RCN3: variants seen among roughly 807,000 people sequenced by gnomAD.
RCN3 encodes the protein reticulocalbin-3.
In RCN3, 41 loss-of-function variants were observed where a neutral mutation model predicts 35.9. The observed-to-expected ratio is 1.14, with a 90% CI of 0.89 to 1.48. The LOEUF (loss-of-function observed/expected upper bound fraction) is 1.48. RCN3 is among the 40% of genes most tolerant of loss of function. The pLI is 0.00. For synonymous variants in RCN3, 187 were observed against 193.4 expected, an observed-to-expected ratio of 0.97 and a Z score of 0.27; for missense variants, 451 against 471.3, an observed-to-expected ratio of 0.96 and a Z score of 0.40.
intron 2 of RCN3, among the ~76,000 whole-genome samples, chr19:49,532,876 A>T (rs966459862): frequency 2.0e-5 from 3 of 151,828 alleles, no homozygotes; most frequent in African/African-American, 4.8e-5. Flanking sequence ...AGGTTTCACC[A>T]TGTGGACCAG....
In RCN3 at chr19:49,528,672, A is replaced by G. The variant is rs753132474; in HGVS notation, c.200A>G (p.Glu67Gly). 6.2e-7 allele frequency: 1 copy of G among 1,610,010 alleles called. No homozygotes were observed. Among genetic ancestry groups the G allele is most frequent in the East Asian group, 2.2e-5 (1 of 44,508 alleles). Residue 67 changes from glutamate (E) to glycine (G), a missense_variant, in exon 2 of 7, where the codon GAA becomes GGA. Coordinates refer to ENST00000270645, the MANE Select transcript of RCN3 (RefSeq NM_020650.3). ...EAFLGREVAK[E>G]FDQLTPEESQ... Reference sequence around the variant, plus strand: ...TTCCTGGGACGGGAAGTGGCCAAGGAATTCGACCAACTCACCCCAGAGGAA... The same window carrying G: ...TTCCTGGGACGGGAAGTGGCCAAGGGATTCGACCAACTCACCCCAGAGGAA...
intron 2 of RCN3, among the ~76,000 whole-genome samples, chr19:49,533,040 C>T (rs947236100): frequency 1.3e-5 from 2 of 152,172 alleles, no homozygotes; most frequent in African/African-American, 4.8e-5. Context: ...GGGGTAGGTA[C>T]CGTTTTTTCT....
At chr19:49,530,673 T>A (rs1168649803) in intron 2 of RCN3, among the ~76,000 whole-genome samples, 3 of 151,834 alleles carry the variant, frequency 2.0e-5, no homozygotes, top group African/African-American at 7.3e-5. Flanking sequence ...ATTTTGTATT[T>A]TTAGTAGAGA....
At chr19:49,531,028 G>A (rs1053922005) in intron 2 of RCN3, among the ~76,000 whole-genome samples, 14 of 152,174 alleles carry the variant, frequency 9.2e-5, no homozygotes, top group Non-Finnish European at 1.3e-4. Context: ...CAGAGAAGGA[G>A]CAAAGGGGTT....
chr19:49,533,479 G>T (rs990873872), intron 2 of RCN3, among the ~76,000 whole-genome samples: 1 of 152,156 alleles, frequency 6.6e-6, no homozygotes, highest in Non-Finnish European at 1.5e-5. Flanking sequence ...CCCAAGAGAA[G>T]GGGAGAGATG....
In RCN3 at chr19:49,534,321, CG is replaced by C. The variant is rs1243319886; in HGVS notation, c.372del (p.Tyr125ThrfsTer64). The C allele has an allele frequency of 6.6e-7, 1 of 1,510,082 alleles. No homozygotes were observed. Among genetic ancestry groups the C allele is most frequent in the Non-Finnish European group, 8.8e-7 (1 of 1,131,386 alleles). The allele number at this position is 1,510,082 out of a possible 1,614,324, so 93.5% of individuals were successfully genotyped here. On this transcript the variant is annotated frameshift_variant, in exon 3 of 7. Transcript: ENST00000270645. LOFTEE classifies it high-confidence loss of function. Reference sequence around the variant, plus strand: ...GACTCGGTGAGCGCGGCCTGGGACACGTACGACACGGACCGCGACGGGCGTG... The same window carrying C: ...GACTCGGTGAGCGCGGCCTGGGACACTACGACACGGACCGCGACGGGCGTG... ...IRDSVSAAWDTYDTDRDGRVG... is the reference protein window; with the variant it reads ...IRDSVSAAWDXYDTDRDGRVG...
chr19:49,529,437 G>C (rs996822215), intron 2 of RCN3, among the ~76,000 whole-genome samples: 1 of 152,148 alleles, frequency 6.6e-6, no homozygotes, highest in African/African-American at 2.4e-5. Context: ...CACCCTCTCC[G>C]TCCAGGCCTG....
chr19:49,533,867 G>A (rs1388032533), intron 2 of RCN3, among the ~76,000 whole-genome samples: 1 of 152,206 alleles, frequency 6.6e-6, no homozygotes, highest in Non-Finnish European at 1.5e-5. Context: ...CCAGCGAGAG[G>A]TGCAGCACGT....
chr19:49,541,076 G>A lies in RCN3; in HGVS notation c.680-1477G>A, dbSNP rs182651765. On this transcript the variant is annotated intron_variant, in intron 5 of 6. Coordinates refer to ENST00000270645, the MANE Select transcript of RCN3 (RefSeq NM_020650.3). ...CTCCTGAGTAGGTGGGATTATGGGC[G>A]TGCACTACCACGCCTGGCTAATTTT... 2.0e-5 allele frequency among the ~76,000 whole-genome samples: 3 copies of A among 152,046 alleles called. 1 individual carries two copies. Among genetic ancestry groups the A allele is most frequent in the South Asian group, 4.2e-4 (2 of 4,818 alleles).
chr19:49,540,743 A>G lies in RCN3; in HGVS notation c.679+1564A>G, dbSNP rs568071166. Among the ~76,000 whole-genome samples, 64 of 151,274 alleles carry G rather than the reference A, an allele frequency of 4.2e-4. 1 individual carries two copies. The highest frequency in any genetic ancestry group is 1.5e-3 in the African/African-American group (62 of 41,210). On this transcript the variant is annotated intron_variant, in intron 5 of 6. Coordinates refer to ENST00000270645, the MANE Select transcript of RCN3 (RefSeq NM_020650.3). ...GGGATCCTCCCACCTCAGCCTCCCA[A>G]GTAGCTGAGACTCCAGGCACAGTGC...
At chr19:49,538,551 A>G (rs2122734663) in intron 4 of RCN3, among the ~76,000 whole-genome samples, 1 of 151,912 alleles carries the variant, frequency 6.6e-6, no homozygotes, top group East Asian at 1.9e-4. Flanking sequence ...GGCTCAATCG[A>G]TCCTCCCGCC....
chr19:49,536,285 C>G (rs1429700232), intron 3 of RCN3, among the ~76,000 whole-genome samples: 1 of 126,156 alleles, frequency 7.9e-6, no homozygotes, highest in African/African-American at 3.1e-5. Context: ...CGCACCCGGC[C>G]TACTTTTTTT....
intron 1 of RCN3, 142 bp from the exon 2 acceptor site, chr19:49,528,325 C>T (rs992945437): frequency 1.5e-4 from 113 of 738,316 alleles, no homozygotes; most frequent in Middle Eastern, 4.3e-4. Context: ...CCCCATCGCC[C>T]GCCCTTTTTG....
chr19:49,528,850 C>G, intron 2 of RCN3, 136 bp downstream of exon 2: 1 of 1,186,448 alleles, frequency 8.4e-7, no homozygotes, highest in Non-Finnish European at 1.1e-6. Flanking sequence ...ACCTTCTATC[C>G]TTGGGAAAAA....
In RCN3 at chr19:49,543,361, G is replaced by C. The variant is rs1475729960; in HGVS notation, c.*148G>C. 6 of 682,404 alleles carry C rather than the reference G, an allele frequency of 8.8e-6. No individual in the cohort carries two copies. In the African/African-American group the frequency reaches 9.0e-5, roughly 10 times the overall value. The allele number at this position is 682,404 out of a possible 1,614,324, so 42.3% of individuals were successfully genotyped here. On this transcript the variant is annotated 3_prime_UTR_variant, in exon 7 of 7. Coordinates refer to ENST00000270645, the MANE Select transcript of RCN3 (RefSeq NM_020650.3). ...CCCCTGGGCTCTCAGGGACCCCCTGGGTCGGCTTCTGTCCCTGTCACACCC... is the reference window on the plus strand; with the variant it reads ...CCCCTGGGCTCTCAGGGACCCCCTGCGTCGGCTTCTGTCCCTGTCACACCC...
intron 4 of RCN3, among the ~76,000 whole-genome samples, chr19:49,538,152 C>T (rs2080145627): frequency 6.7e-6 from 1 of 149,000 alleles, no homozygotes; most frequent in South Asian, 2.1e-4. Context: ...GCCACCATGT[C>T]TGGCTAATGT....
chr19:49,534,165 C>T (rs111817044), intron 2 of RCN3, 28 bp from the exon 3 acceptor site: 113,136 of 1,470,630 alleles, frequency 0.077, 4,989 homozygotes, highest in Middle Eastern at 0.15. Context: ...GGGACCAGAG[C>T]CTGACGTGTG....
At chr19:49,534,016 A>AG (rs1208334949) in intron 2 of RCN3, among the ~76,000 whole-genome samples, 177 bp from the exon 3 acceptor site, 3 of 152,054 alleles carry the variant, frequency 2.0e-5, no homozygotes, top group Non-Finnish European at 2.9e-5. Context: ...GCTGAGGGGT[A>AG]GGGTCCTCCG....
intron 2 of RCN3, 110 bp from the exon 3 acceptor site, chr19:49,534,083 G>C (rs2080122079): frequency 8.9e-7 from 1 of 1,118,818 alleles, no homozygotes; most frequent in East Asian, 3.1e-5. Flanking sequence ...GCGGACCGTG[G>C]ACTGTATTTT....
Sources: allele counts gnomAD v4.1 joint callset (sites outside exome capture counted in the v4.1 genomes callset), GRCh38; gene constraint gnomAD v4.1.1; transcripts MANE v1.5; gene names NCBI Gene and HGNC (gene_info 2026-07-23, HGNC 2026-07-21).